Variants in TEX2 observed in about 807,000 individuals in gnomAD.
TEX2 encodes the protein testis-expressed protein 2.
Under a neutral mutation model 106.9 loss-of-function variants are expected in TEX2, and 53 were observed. That is an observed-to-expected ratio of 0.50 (90% confidence interval 0.40 to 0.62). The LOEUF is 0.62. TEX2 is among the 20% of genes least tolerant of loss of function. The probability of loss-of-function intolerance (pLI) is 0.00; values close to 1 mark genes in which losing one functional copy is unlikely to be tolerated. For synonymous variants in TEX2, 523 were observed against 534.8 expected (o/e 0.98, Z 0.30); for missense variants, 1,207 against 1,379.0 (o/e 0.88, Z 1.98).
intron 10 of TEX2, among the ~76,000 whole-genome samples, chr17:64,151,954 A>G (rs1362020897): frequency 6.6e-6 from 1 of 152,006 alleles, no homozygotes; most frequent in African/African-American, 2.4e-5. Context: ...TCTTTTTTTT[A>G]ACAATGAAAA....
intron 2 of TEX2, among the ~76,000 whole-genome samples, chr17:64,200,179 A>G (rs956852068): frequency 1.7e-4 from 26 of 152,134 alleles, no homozygotes; most frequent in African/African-American, 6.3e-4. Flanking sequence ...ATAGACAAAC[A>G]TATCATTTTT....
chr17:64,178,074 T>C (rs932879827), intron 5 of TEX2, among the ~76,000 whole-genome samples: 9 of 152,232 alleles, frequency 5.9e-5, no homozygotes, highest in Non-Finnish European at 1.3e-4. Context: ...CAGATCTGGA[T>C]TAGAGAGAGC....
intron 2 of TEX2, among the ~76,000 whole-genome samples, chr17:64,204,771 T>C (rs1000350111): frequency 6.6e-6 from 1 of 152,222 alleles, no homozygotes; most frequent in Non-Finnish European, 1.5e-5. Flanking sequence ...GAATCTTCGA[T>C]GTTTTTGCTA....
chr17:64,234,698 C>T (rs1483171193), intron 1 of TEX2, among the ~76,000 whole-genome samples: 3 of 152,186 alleles, frequency 2.0e-5, no homozygotes, highest in African/African-American at 7.2e-5. Context: ...ACTTCATACA[C>T]TGTCAATTTA....
chr17:64,212,605 G>T lies in TEX2; in HGVS notation c.1613C>A (p.Ser538Tyr), dbSNP rs953026926. 1.9e-6 allele frequency: 3 copies of T among 1,614,030 alleles called. No homozygotes were observed. In the African/African-American group the frequency reaches 4.0e-5, roughly 22 times the overall value. Residue 538 changes from serine to tyrosine, a missense_variant, in exon 2 of 12, where the codon TCT becomes TAT. Coordinates refer to ENST00000584379, the MANE Select transcript of TEX2 (RefSeq NM_001288732.2). The part of the protein sequence containing the change: ...HKNLRHWNTR[S>Y]LDIKEPEILK... ...TATTTCAGGTTCTTTGATATCCAGA[G>T]ATCTTGTGTTCCAGTGTCGCAGATT...
chr17:64,171,342 A>T, intron 6 of TEX2, 143 bp from the exon 7 acceptor site: 2 of 671,676 alleles, frequency 3.0e-6, no homozygotes, highest in Non-Finnish European at 5.3e-6. Context: ...ATGTGCACAC[A>T]TCATGTACTA....
intron 4 of TEX2, 119 bp from the exon 5 acceptor site, chr17:64,188,534 G>A: frequency 6.7e-7 from 1 of 1,493,584 alleles, no homozygotes; most frequent in South Asian, 1.3e-5. Flanking sequence ...TATTTATAAG[G>A]GGCTGGGCAT....
Position 64,213,684 on chromosome 17 carries a change from T to G in TEX2, c.534A>C (p.Ser178=). Residue 178 remains serine, a synonymous_variant, in exon 2 of 12, where the codon TCA becomes TCC. Coordinates refer to ENST00000584379, the MANE Select transcript of TEX2 (RefSeq NM_001288732.2). This position sits in a 1 kb window ranked among gnomAD's most constrained non-coding sequence, Gnocchi z 4.4. Reference sequence around the variant, plus strand: ...GTTTTGCACTGGAAAGGGTGGAGGTTGAGGCACTGGATGAGAGGATGGGAG... The same window carrying G: ...GTTTTGCACTGGAAAGGGTGGAGGTGGAGGCACTGGATGAGAGGATGGGAG... The part of the protein sequence containing the change: ...SKSPILSSSA[S]TSTLSSAKPF... The G allele has an allele frequency of 1.9e-6, 3 of 1,614,050 alleles. No homozygotes were observed. The highest frequency in any genetic ancestry group is 1.7e-6 in the Non-Finnish European group (2 of 1,180,012).
Position 64,204,477 on chromosome 17 carries a change from C to T in TEX2, c.1644+8097G>A, listed in dbSNP as rs1454499394. On this transcript the variant is annotated intron_variant, in intron 2 of 11. Transcript: ENST00000584379. ...TGGCCAAAAGTCGATATATGGTCATCTGTATGTTAAATATCAGCAAGGCTT... is the reference window on the plus strand; with the variant it reads ...TGGCCAAAAGTCGATATATGGTCATTTGTATGTTAAATATCAGCAAGGCTT... Among the ~76,000 whole-genome samples, 21 of 152,160 alleles carry T rather than the reference C, an allele frequency of 1.4e-4. 2 individuals are homozygous for T. Among genetic ancestry groups the T allele is most frequent in the Admixed American group, 1.2e-3 (19 of 15,274 alleles).
intron 7 of TEX2, among the ~76,000 whole-genome samples, chr17:64,166,607 T>C (rs1320885526): frequency 6.6e-6 from 1 of 152,230 alleles, no homozygotes; most frequent in Non-Finnish European, 1.5e-5. Context: ...AAAAGAGCTA[T>C]GTTTTCTAAA....
chr17:64,171,237 G>T, intron 6 of TEX2, 38 bp from the exon 7 acceptor site: 2 of 1,546,288 alleles, frequency 1.3e-6, no homozygotes, highest in Non-Finnish European at 1.8e-6. Context: ...AGACCCATGA[G>T]CAACCTACAA....
Position 64,207,738 on chromosome 17 carries a change from TTTC to T in TEX2, c.1644+4833_1644+4835del, listed in dbSNP as rs1395960039. Among the ~76,000 whole-genome samples, 46 of 152,064 alleles carry T rather than the reference TTTC, an allele frequency of 3.0e-4. 1 individual carries two copies. The South Asian group carries it at 9.2e-3, about 30-fold the overall frequency. ...CTCCACTTAGTATTTGCCTTTTTTT[TTTC>T]TTTTTTTTTTTTGAGACGGAGTCTC... On this transcript the variant is annotated intron_variant, in intron 2 of 11. Transcript: ENST00000584379.
Position 64,148,177 on chromosome 17 carries a change from AC to A in TEX2, c.*791del, listed in dbSNP as rs1218910050. The A allele has an allele frequency of 6.6e-6, 1 of 152,580 alleles. No individual in the cohort carries two copies. Among genetic ancestry groups the A allele is most frequent in the Admixed American group, 6.5e-5 (1 of 15,270 alleles). The allele number at this position is 152,580 out of a possible 1,614,324, so 9.5% of individuals were successfully genotyped here. A position where few individuals can be genotyped will look rare whatever the true frequency, so the allele number is the denominator to read the frequency against. ...TGGAAAAACTGGCTCTGGCTTTCTA[AC>A]CCCATCCCATCTGTATGAGAGGACC... On this transcript the variant is annotated 3_prime_UTR_variant, in exon 12 of 12. Transcript: ENST00000584379.
At chr17:64,161,154 G>C (rs2030867558) in intron 7 of TEX2, among the ~76,000 whole-genome samples, 1 of 152,134 alleles carries the variant, frequency 6.6e-6, no homozygotes, top group East Asian at 1.9e-4. Context: ...CAGCATCTGA[G>C]GACCCATTCA....
intron 2 of TEX2, among the ~76,000 whole-genome samples, chr17:64,210,455 T>C (rs566655474): frequency 1.3e-5 from 2 of 152,318 alleles, no homozygotes; most frequent in South Asian, 2.1e-4. Flanking sequence ...AACTAGGATA[T>C]ATACCAAATC....
chr17:64,219,275 G>T (rs1555632983), intron 1 of TEX2, among the ~76,000 whole-genome samples: 2 of 152,128 alleles, frequency 1.3e-5, no homozygotes, highest in Admixed American at 1.3e-4. Context: ...GGAGGCTGAG[G>T]TGGGTGGATC....
chr17:64,148,652 G>T lies in TEX2; in HGVS notation c.*317C>A. Reference sequence around the variant, plus strand: ...AGTTGTTCAGCTTTGCTCTTACTGTGCTCATTTGCTGCCACAAACATGGGT... The same window carrying T: ...AGTTGTTCAGCTTTGCTCTTACTGTTCTCATTTGCTGCCACAAACATGGGT... On this transcript the variant is annotated 3_prime_UTR_variant, in exon 12 of 12. Coordinates refer to ENST00000584379, the MANE Select transcript of TEX2 (RefSeq NM_001288732.2). The T allele has an allele frequency of 3.6e-6, 1 of 275,266 alleles. No homozygotes were observed. The highest frequency in any genetic ancestry group is 6.9e-6 in the Non-Finnish European group (1 of 145,224). The allele number at this position is 275,266 out of a possible 1,614,324, so 17.1% of individuals were successfully genotyped here.
In TEX2 at chr17:64,154,877, G is replaced by A. The variant is rs372621221; in HGVS notation, c.2895C>T (p.Ser965=). The A allele has an allele frequency of 3.0e-5, 49 of 1,607,974 alleles. No homozygotes were observed. The Admixed American group carries it at 4.7e-4, about 15-fold the overall frequency. The change falls in exon 9 of 12, where the codon AGC becomes AGT. Residue 965 remains serine (S), a synonymous_variant. Coordinates refer to ENST00000584379, the MANE Select transcript of TEX2 (RefSeq NM_001288732.2). ...CTGGGAGGAGCTGTTTGTCTCCCCC[G>A]CTGGGCTCTGGGGCATCGTCTTCCT... The part of the protein sequence containing the change: ...SSEEDDAPEP[S]GGDKQLLPGA...
intron 2 of TEX2, among the ~76,000 whole-genome samples, chr17:64,203,771 T>C (rs1275464874): frequency 2.0e-5 from 3 of 152,032 alleles, no homozygotes; most frequent in Admixed American, 2.0e-4. Flanking sequence ...AGAAAGCCCA[T>C]TAGGGGAGGG....
Sources: gnomAD v4.1 joint callset for allele counts (sites outside exome capture counted in the v4.1 genomes callset) on GRCh38, gnomAD v4.1.1 for gene constraint, Gnocchi (gnomAD v3.1) non-coding constraint, MANE v1.5 for transcripts, NCBI Gene and HGNC (gene_info 2026-07-23, HGNC 2026-07-21) for gene names.